The following FXR1 variants were observed in gnomAD, a reference collection of about 807,000 sequenced individuals.
FXR1 encodes the protein FMR1 autosomal homolog 1.
FXR1 carries 15 observed loss-of-function variants against 84.0 expected under a neutral mutation model. The ratio of observed to expected loss-of-function variants is 0.18; its 90% CI spans 0.12 to 0.27. FXR1 has a LOEUF of 0.27. Among genes scored for constraint, FXR1 ranks in the 10% least tolerant of loss-of-function variants. FXR1 has a pLI of 1.00. For missense variants in FXR1, 480 were observed against 774.4 expected, an observed-to-expected ratio of 0.62 and a Z score of 4.51; for synonymous variants, 245 against 250.7, an observed-to-expected ratio of 0.98 and a Z score of 0.21.
chr3:180,966,522 A>G (rs1712852949), intron 13 of FXR1, among the ~76,000 whole-genome samples: 1 of 152,200 alleles, frequency 6.6e-6, no homozygotes, highest in South Asian at 2.1e-4. Context: ...ACTTCAAGGT[A>G]TTTCATGAAA....
At chr3:180,915,474 A>G (rs1717777055) in intron 1 of FXR1, 2 of 1,430,962 alleles carry the variant, frequency 1.4e-6, no homozygotes, top group Middle Eastern at 3.5e-4. Context: ...GCGTAGAAGC[A>G]ATTTAATTTT....
At chr3:180,913,985 T>C (rs760977936) in intron 1 of FXR1, among the ~76,000 whole-genome samples, 1 of 152,258 alleles carries the variant, frequency 6.6e-6, no homozygotes, top group Non-Finnish European at 1.5e-5. Context: ...GTTTACTGAT[T>C]AGCTCTGTGG....
rs1021725520 is a variant in FXR1 at position 180,976,027 on chromosome 3, T to A, written c.1696-95T>A. ...CCATTGTGGTATATAAAACTGAAAT[T>A]TTTAATTAGCTAATTAGTGTTTATG... On this transcript the variant is annotated intron_variant, in intron 16 of 16. Coordinates refer to ENST00000357559, the MANE Select transcript of FXR1 (RefSeq NM_005087.4). 8.8e-5 allele frequency: 82 copies of A among 932,430 alleles called. No homozygotes were observed. The Admixed American group carries it at 2.0e-3, about 23-fold the overall frequency. 57.8% of individuals were successfully genotyped at this position (932,430 alleles called of 1,614,324 possible). A position where few individuals can be genotyped will look rare whatever the true frequency, so the allele number is the denominator to read the frequency against.
chr3:180,918,216 G>C (rs1196204297), intron 1 of FXR1, among the ~76,000 whole-genome samples: 1 of 152,086 alleles, frequency 6.6e-6, no homozygotes, highest in Non-Finnish European at 1.5e-5. Context: ...ATGAGAGCCT[G>C]TTCTTTACTA....
chr3:180,943,089 C>A (rs1721304936), intron 3 of FXR1, among the ~76,000 whole-genome samples: 1 of 151,922 alleles, frequency 6.6e-6, no homozygotes, highest in Non-Finnish European at 1.5e-5. Flanking sequence ...GCCTCAGCCT[C>A]CTGAGTAGCT....
intron 15 of FXR1, among the ~76,000 whole-genome samples, chr3:180,973,750 G>A (rs577425819): frequency 6.6e-5 from 10 of 152,306 alleles, no homozygotes; most frequent in African/African-American, 2.4e-4. Context: ...AGTAAATGAT[G>A]TATGTAAGTT....
chr3:180,928,406 T>A (rs1293932144), intron 1 of FXR1, among the ~76,000 whole-genome samples: 1 of 134,732 alleles, frequency 7.4e-6, no homozygotes, highest in Non-Finnish European at 1.6e-5. Context: ...TTTTTAAAAT[T>A]TTTTGAGATA....
chr3:180,952,061 A>C (rs1722278478), intron 8 of FXR1, among the ~76,000 whole-genome samples: 1 of 152,148 alleles, frequency 6.6e-6, no homozygotes, highest in African/African-American at 2.4e-5. Flanking sequence ...ATATACATAC[A>C]CATGCATCTT....
At chr3:180,973,113 A>AT (rs1713791289) in intron 15 of FXR1, among the ~76,000 whole-genome samples, 2 of 152,026 alleles carry the variant, frequency 1.3e-5, no homozygotes, top group South Asian at 2.1e-4. Context: ...AATTGCCTGT[A>AT]TTTTTTTCTA....
At chr3:180,954,065 C>T (rs757061540) in intron 9 of FXR1, 46 of 390,434 alleles carry the variant, frequency 1.2e-4, no homozygotes, top group Non-Finnish European at 2.0e-4. Flanking sequence ...GGATGACTCA[C>T]TAATAAGGCC....
At chr3:180,932,776 T>C (rs1334087118) in intron 1 of FXR1, among the ~76,000 whole-genome samples, 3 of 152,346 alleles carry the variant, frequency 2.0e-5, no homozygotes, top group South Asian at 2.1e-4. Context: ...AATGGAGTCA[T>C]GCATTTTACT....
chr3:180,953,692 C>G (rs1266801782), intron 8 of FXR1, 70 bp from the exon 9 acceptor site: 1 of 740,792 alleles, frequency 1.3e-6, no homozygotes, highest in Non-Finnish European at 2.3e-6. Context: ...TTCTCATCTT[C>G]TTGTTTTGGA....
chr3:180,929,101 A>G (rs538986187), intron 1 of FXR1, among the ~76,000 whole-genome samples: 2 of 152,140 alleles, frequency 1.3e-5, no homozygotes, highest in South Asian at 4.1e-4. Flanking sequence ...TTGTATTTTT[A>G]GTAGAGACGG....
chr3:180,967,057 T>G (rs905979402), intron 13 of FXR1, among the ~76,000 whole-genome samples: 81 of 152,226 alleles, frequency 5.3e-4, no homozygotes, highest in African/African-American at 1.9e-3. Flanking sequence ...TGCTGAATAT[T>G]TGTCTCACTG....
At position 180,912,710 on chromosome 3, in the gene FXR1, C is replaced by T. The variant is rs1717357700; in HGVS notation, c.25C>T (p.Arg9Cys). The stretch of plus-strand genomic sequence containing the variant: ...CATGGCGGAGCTGACGGTGGAGGTT[C>T]GCGGCTCTAACGGGGCTTTCTACAA... The part of the protein sequence containing the change: MAELTVEV[R>C]GSNGAFYKGF... Residue 9 changes from arginine to cysteine, a missense_variant, in exon 1 of 17, where the codon CGC becomes TGC. Coordinates refer to ENST00000357559, the MANE Select transcript of FXR1 (RefSeq NM_005087.4). 6.2e-7 allele frequency: 1 copy of T among 1,613,616 alleles called. No homozygotes were observed. Among genetic ancestry groups the T allele is most frequent in the Middle Eastern group, 1.7e-4 (1 of 6,058 alleles).
At chr3:180,915,490 G>T in intron 1 of FXR1, 1 of 1,483,410 alleles carries the variant, frequency 6.7e-7, no homozygotes, top group South Asian at 1.2e-5. Context: ...ATTTTAATTA[G>T]TTTTTTTCCA....
intron 9 of FXR1, among the ~76,000 whole-genome samples, chr3:180,955,504 A>G (rs1722663668): frequency 6.6e-6 from 1 of 152,184 alleles, no homozygotes; most frequent in Admixed American, 6.5e-5. Context: ...GCACAATGTT[A>G]TCAAATGTTT....
At chr3:180,923,311 G>A (rs1275246972) in intron 1 of FXR1, among the ~76,000 whole-genome samples, 8 of 152,164 alleles carry the variant, frequency 5.3e-5, no homozygotes, top group Non-Finnish European at 7.4e-5. Context: ...ACTCCAAAGA[G>A]TCTGGGGTGT....
In FXR1 at chr3:180,947,952, A is replaced by G; in HGVS notation, c.270+16A>G. On this transcript the variant is annotated intron_variant, in intron 4 of 16. Coordinates refer to ENST00000357559, the MANE Select transcript of FXR1 (RefSeq NM_005087.4). ...GAAAGGAGAAGTAAGTACTCTTCAC[A>G]CTTGCTTTGTGACTAGTTTCTAAGG... The G allele has an allele frequency of 1.3e-6, 2 of 1,505,858 alleles. No homozygotes were observed. Among genetic ancestry groups the G allele is most frequent in the Non-Finnish European group, 1.8e-6 (2 of 1,089,038 alleles). 93.3% of individuals were successfully genotyped at this position (1,505,858 alleles called of 1,614,324 possible). A position where few individuals can be genotyped will look rare whatever the true frequency, so the allele number is the denominator to read the frequency against.
Sources: allele counts gnomAD v4.1 joint callset (sites outside exome capture counted in the v4.1 genomes callset), GRCh38; gene constraint gnomAD v4.1.1; transcripts MANE v1.5; gene names NCBI Gene and HGNC (gene_info 2026-07-23, HGNC 2026-07-21).